IGFBP7: variants seen among roughly 807,000 people sequenced by gnomAD.
IGFBP7 encodes the protein insulin like growth factor binding protein 7.
A neutral mutation model predicts 29.4 loss-of-function variants in IGFBP7; 31 were observed. The ratio of observed to expected loss-of-function variants is 1.05; its 90% CI spans 0.79 to 1.42. The LOEUF is 1.42. Ranked by LOEUF, IGFBP7 falls within the 40% of genes most tolerant of loss-of-function variation. The probability of loss-of-function intolerance (pLI) is 0.00; values close to 1 mark genes in which losing one functional copy is unlikely to be tolerated. For missense variants in IGFBP7, 393 were observed against 395.5 expected, an observed-to-expected ratio of 0.99 and a Z score of 0.05; for synonymous variants, 172 against 174.9, an observed-to-expected ratio of 0.98 and a Z score of 0.13.
rs528629324 is a variant in IGFBP7, at chr4:57,063,216, C to T, written c.476-22283G>A. On this transcript the variant is annotated intron_variant, in intron 1 of 4. Transcript: ENST00000295666. ...AGTTTCCTTTTTGTTTGACAAACCTCCTTTGACCTTTCCTCACCTCTCTTC... is the reference window on the plus strand; with the variant it reads ...AGTTTCCTTTTTGTTTGACAAACCTTCTTTGACCTTTCCTCACCTCTCTTC... Among the ~76,000 whole-genome samples, 7 of 152,202 alleles carry T rather than the reference C, an allele frequency of 4.6e-5. No individual in the cohort carries two copies. In the South Asian group the frequency reaches 1.5e-3, roughly 32 times the overall value.
At chr4:57,042,878 G>A (rs745889493) in intron 1 of IGFBP7, among the ~76,000 whole-genome samples, 9 of 152,152 alleles carry the variant, frequency 5.9e-5, no homozygotes, top group Non-Finnish European at 1.2e-4. Flanking sequence ...ATCAACTGAG[G>A]GAGACTGATG....
chr4:57,039,640 ACTC>A lies in IGFBP7; in HGVS notation c.585+1181_585+1183del, dbSNP rs1560490455. On this transcript the variant is annotated intron_variant, in intron 2 of 4. Coordinates refer to ENST00000295666, the MANE Select transcript of IGFBP7 (RefSeq NM_001553.3). Reference sequence around the variant, plus strand: ...CAGCCACCCTGGCTAAGGAATTCACACTCTTTTTTTTTTTTTTTTTTTTGAGAC... The same window carrying A: ...CAGCCACCCTGGCTAAGGAATTCACATTTTTTTTTTTTTTTTTTTTGAGAC... Among the ~76,000 whole-genome samples, 18 of 113,020 alleles carry A rather than the reference ACTC, an allele frequency of 1.6e-4. 1 individual carries two copies. The highest frequency in any genetic ancestry group is 2.1e-4 in the Admixed American group (2 of 9,742). The allele number at this position is 113,020 out of a possible 152,430, so 74.1% of individuals were successfully genotyped here. A position where few individuals can be genotyped will look rare whatever the true frequency, so the allele number is the denominator to read the frequency against.
intron 1 of IGFBP7, among the ~76,000 whole-genome samples, chr4:57,105,655 A>C (rs1726005275): frequency 6.6e-6 from 1 of 152,226 alleles, no homozygotes; most frequent in African/African-American, 2.4e-5. Context: ...GCTCAAGGCT[A>C]TAGTTAGTAA....
At chr4:57,061,779 T>C (rs527268477) in intron 1 of IGFBP7, among the ~76,000 whole-genome samples, 2 of 152,298 alleles carry the variant, frequency 1.3e-5, no homozygotes, top group Non-Finnish European at 2.9e-5. Flanking sequence ...CTCCTATACT[T>C]TACATTAATA....
intron 1 of IGFBP7, among the ~76,000 whole-genome samples, chr4:57,097,575 C>T (rs955875745): frequency 6.6e-6 from 1 of 152,164 alleles, no homozygotes; most frequent in Non-Finnish European, 1.5e-5. Flanking sequence ...ATGCTAATAA[C>T]AATAAACATG....
At chr4:57,060,381 C>T (rs1288142448) in intron 1 of IGFBP7, among the ~76,000 whole-genome samples, 1 of 152,142 alleles carries the variant, frequency 6.6e-6, no homozygotes, top group Non-Finnish European at 1.5e-5. Context: ...AGCTCTATGT[C>T]TACTTGTGGG....
At chr4:57,093,946 T>C (rs1019768118) in intron 1 of IGFBP7, among the ~76,000 whole-genome samples, 3 of 152,198 alleles carry the variant, frequency 2.0e-5, no homozygotes, top group Non-Finnish European at 2.9e-5. Context: ...TTTTTCCCCT[T>C]CCAGTAGAAA....
intron 1 of IGFBP7, among the ~76,000 whole-genome samples, chr4:57,055,676 A>C (rs1724647798): frequency 6.6e-6 from 1 of 151,894 alleles, no homozygotes; most frequent in Admixed American, 6.6e-5. Context: ...CATTTTCATA[A>C]AATAGGGCAG....
At chr4:57,033,123 C>T in intron 3 of IGFBP7, 72 bp downstream of exon 3, 1 of 1,039,754 alleles carries the variant, frequency 9.6e-7, no homozygotes, top group Non-Finnish European at 1.5e-6. Context: ...GTACATCAGG[C>T]ACCTTTGCCA....
Position 57,110,069 on chromosome 4 carries a change from T to C in IGFBP7, c.283A>G (p.Lys95Glu). The change falls in exon 1 of 5, where the codon AAG (lysine) becomes GAG (glutamate). Residue 95 changes from lysine (K) to glutamate (E), a missense_variant. By Grantham distance (56) the Lys-to-Glu change is moderately conservative (BLOSUM62 1). Transcript: ENST00000295666. ...CCGGCTGCTGCCCCGGCTTTACCCT[T>C]CCGCCTCTTGCGGCTCTTCACGCAC... is the stretch of plus-strand genomic sequence containing the variant. ...MECVKSRKRR[K>E]GKAGAAAGGP... is the part of the protein sequence containing the mutation. 1 of 1,560,212 alleles carries C rather than the reference T, an allele frequency of 6.4e-7. No individual in the cohort carries two copies. The highest frequency in any genetic ancestry group is 8.6e-7 in the Non-Finnish European group (1 of 1,159,162).
At chr4:57,040,343 A>G (rs1322153711) in intron 2 of IGFBP7, among the ~76,000 whole-genome samples, 1 of 152,090 alleles carries the variant, frequency 6.6e-6, no homozygotes, top group Non-Finnish European at 1.5e-5. Flanking sequence ...AGCAGACAGG[A>G]TCTAAATTAT....
At chr4:57,095,064 A>C (rs1435408605) in intron 1 of IGFBP7, among the ~76,000 whole-genome samples, 1 of 152,194 alleles carries the variant, frequency 6.6e-6, no homozygotes, top group Non-Finnish European at 1.5e-5. Flanking sequence ...AAATGGCCCC[A>C]AACTTTGTGC....
chr4:57,072,648 T>TATAA (rs2109777243), intron 1 of IGFBP7: 1 of 111,132 alleles, frequency 9.0e-6, no homozygotes, highest in South Asian at 7.7e-5. Context: ...TGCTGCTGCC[T>TATAA]AGCCACCACC....
At chr4:57,053,395 T>C (rs1724562952) in intron 1 of IGFBP7, among the ~76,000 whole-genome samples, 1 of 151,932 alleles carries the variant, frequency 6.6e-6, no homozygotes, top group African/African-American at 2.4e-5. Context: ...TGACAAAGAG[T>C]CTGACTCCAG....
chr4:57,045,558 T>C (rs1348132924), intron 1 of IGFBP7, among the ~76,000 whole-genome samples: 2 of 152,140 alleles, frequency 1.3e-5, no homozygotes, highest in African/African-American at 4.8e-5. Flanking sequence ...GGAGGCGGGT[T>C]GGCCTCCACG....
chr4:57,041,458 G>A lies in IGFBP7; in HGVS notation c.476-525C>T, dbSNP rs141533139. Among the ~76,000 whole-genome samples the A allele has an allele frequency of 2.0e-3, 304 of 152,334 alleles. 1 individual carries two copies. The highest frequency in any genetic ancestry group is 3.7e-3 in the Non-Finnish European group (252 of 68,014). The stretch of plus-strand genomic sequence containing the variant: ...AGGATCTAAGGTTGAAAAGGGTGAT[G>A]AGGCAGGGAAGAAAAGAAACATGTG... On this transcript the variant is annotated intron_variant, in intron 1 of 4. Transcript: ENST00000295666.
rs1324288201 is a variant in IGFBP7 at position 57,092,995 on chromosome 4, T to C, written c.475+16882A>G. The stretch of plus-strand genomic sequence containing the variant: ...CATATGGTTAGTATGATCAAAATAA[T>C]GTCATATGAGCCTAGAAAAAAACTA... On this transcript the variant is annotated intron_variant, in intron 1 of 4. Transcript: ENST00000295666. Among the ~76,000 whole-genome samples, 5 of 152,134 alleles carry C rather than the reference T, an allele frequency of 3.3e-5. No individual in the cohort carries two copies. The South Asian group carries it at 6.2e-4, about 19-fold the overall frequency.
intron 2 of IGFBP7, 25 bp downstream of exon 2, chr4:57,040,799 G>A: frequency 6.9e-7 from 1 of 1,440,390 alleles, no homozygotes; most frequent in Non-Finnish European, 9.8e-7. Context: ...AGCCTAGGAT[G>A]TCTCTTAAAG....
intron 2 of IGFBP7, among the ~76,000 whole-genome samples, chr4:57,040,488 G>A (rs1170768025): frequency 1.3e-5 from 2 of 152,114 alleles, no homozygotes; most frequent in East Asian, 3.9e-4. Flanking sequence ...TCTCCACTGA[G>A]GGCGCAAACA....
Sources: gnomAD v4.1 joint callset for allele counts (sites outside exome capture counted in the v4.1 genomes callset) on GRCh38, gnomAD v4.1.1 for gene constraint, MANE v1.5 for transcripts, NCBI Gene and HGNC (gene_info 2026-07-23, HGNC 2026-07-21) for gene names.